The following NUP98 variants were observed in gnomAD, a reference collection of about 807,000 sequenced individuals.
The protein encoded by NUP98 is nuclear pore complex protein Nup98-Nup96.
NUP98 carries 26 observed loss-of-function variants against 191.9 expected under a neutral mutation model. That is an observed-to-expected ratio of 0.14 (90% CI 0.10 to 0.19). NUP98 has a LOEUF of 0.19. Ranked by LOEUF, NUP98 falls within the 10% of genes least tolerant of loss-of-function variation. The pLI is 1.00. For missense variants in NUP98, 1,941 were observed against 2,178.8 expected (o/e 0.89, Z 2.17); for synonymous variants, 808 against 778.4 (o/e 1.04, Z -0.63).
At chr11:3,756,092 C>T (rs2080950191) in intron 10 of NUP98, among the ~76,000 whole-genome samples, 1 of 152,144 alleles carries the variant, frequency 6.6e-6, no homozygotes, top group South Asian at 2.1e-4. Flanking sequence ...TGGGGTGCTG[C>T]CTACTCAAGC....
chr11:3,786,112 G>T (rs955026315), intron 1 of NUP98, among the ~76,000 whole-genome samples: 3 of 152,182 alleles, frequency 2.0e-5, no homozygotes, highest in Non-Finnish European at 2.9e-5. Flanking sequence ...AGAAATTAAG[G>T]CACAAGAATC....
At chr11:3,706,241 C>T (rs867035948) in intron 21 of NUP98, among the ~76,000 whole-genome samples, 3 of 152,114 alleles carry the variant, frequency 2.0e-5, no homozygotes, top group South Asian at 4.1e-4. Context: ...AAACCAGAAA[C>T]CCTATCTACT....
In NUP98 at chr11:3,676,364, C is replaced by A; in HGVS notation, c.5198G>T (p.Arg1733Leu). The A allele has an allele frequency of 6.2e-7, 1 of 1,613,878 alleles. No individual in the cohort carries two copies. Among genetic ancestry groups the A allele is most frequent in the Non-Finnish European group, 8.5e-7 (1 of 1,179,890 alleles). Residue 1733 changes from arginine (R) to leucine (L), a missense_variant, in exon 33 of 33, where the codon CGT becomes CTT. Coordinates refer to ENST00000324932, the MANE Select transcript of NUP98 (RefSeq NM_016320.5). ...CACCACGCGCAGCAGGTTGGCTACACGTTTGGCCATGTCTAGAGAGAAAAA... is the reference window on the plus strand; with the variant it reads ...CACCACGCGCAGCAGGTTGGCTACAAGTTTGGCCATGTCTAGAGAGAAAAA... ...DRLAQSDMAK[R>L]VANLLRVVLS...
chr11:3,702,685 T>A lies in NUP98; in HGVS notation c.3290A>T (p.Gln1097Leu). ...VPLKTVGTRR[Q>L]LGLVPREKSV... ...CTTTTCACGAGGGACTAGGCCTAGT[T>A]GCCTACGTGTACCCACTGTTTTCAA... The change falls in exon 23 of 33, where the codon CAA becomes CTA. Residue 1097 changes from glutamine (Q) to leucine (L), a missense_variant. Physicochemically the swap from Gln to Leu is moderately radical, Grantham distance 113 (BLOSUM62 -2). Around this residue, in one of 6 missense-constraint regions of NUP98, gnomAD observed 1,030 missense variants for 1,115.8 expected, o/e 0.92. Transcript: ENST00000324932. 1 of 1,614,188 alleles carries A rather than the reference T, an allele frequency of 6.2e-7. No individual in the cohort carries two copies. The highest frequency in any genetic ancestry group is 2.2e-5 in the East Asian group (1 of 44,886).
At chr11:3,695,726 T>A in intron 25 of NUP98, 120 bp from the exon 26 acceptor site, 1 of 700,678 alleles carries the variant, frequency 1.4e-6, no homozygotes, top group East Asian at 3.2e-5. Flanking sequence ...CATTGTTAAC[T>A]GCTTTCTGCA....
intron 1 of NUP98, among the ~76,000 whole-genome samples, chr11:3,784,722 C>T (rs1179480957): frequency 6.6e-6 from 1 of 152,122 alleles, no homozygotes; most frequent in Non-Finnish European, 1.5e-5. Flanking sequence ...CCACTGCACT[C>T]CAGCAAGCAA....
intron 14 of NUP98, among the ~76,000 whole-genome samples, chr11:3,727,939 C>T (rs1247872053): frequency 2.0e-5 from 3 of 151,964 alleles, no homozygotes; most frequent in Admixed American, 6.6e-5. Flanking sequence ...AGAATAATCC[C>T]GAGCCCAGGA....
At chr11:3,766,311 C>T (rs1451488658) in intron 8 of NUP98, among the ~76,000 whole-genome samples, 4 of 151,508 alleles carry the variant, frequency 2.6e-5, no homozygotes, top group East Asian at 3.9e-4. Context: ...AGGCGGAGGA[C>T]GCAGTGAACT....
chr11:3,697,921 A>G (rs1280477323), intron 25 of NUP98, among the ~76,000 whole-genome samples: 1 of 151,922 alleles, frequency 6.6e-6, no homozygotes, highest in Non-Finnish European at 1.5e-5. Context: ...AAGTAAATAT[A>G]TGCATATAAA....
chr11:3,767,726 T>C (rs1418227412), intron 8 of NUP98, among the ~76,000 whole-genome samples: 1 of 151,864 alleles, frequency 6.6e-6, no homozygotes, highest in Admixed American at 6.6e-5. Context: ...ATTTCATACT[T>C]CCCTAAAAAA....
At chr11:3,751,077 G>A (rs906902450) in intron 11 of NUP98, among the ~76,000 whole-genome samples, 7 of 152,132 alleles carry the variant, frequency 4.6e-5, no homozygotes, top group African/African-American at 1.4e-4. Context: ...TATAATCCCA[G>A]GCCGGGCACG....
chr11:3,719,524 C>T lies in NUP98; in HGVS notation c.2287G>A (p.Asp763Asn), dbSNP rs367859929. The T allele has an allele frequency of 8.8e-6, 14 of 1,590,378 alleles. No individual in the cohort carries two copies. Among genetic ancestry groups the T allele is most frequent in the Admixed American group, 1.8e-5 (1 of 54,338 alleles). ...KGYGSIYFEG[D>N]VNLTNLNLDD... ...AAATTTAGATTTGTCAAATTCACAT[C>T]TCCTTCAAAATAGATTGAACCATAA... Residue 763 changes from aspartate to asparagine, a missense_variant, in exon 18 of 33, where the codon GAT (aspartate) becomes AAT (asparagine). By Grantham distance (23) the Asp-to-Asn change is conservative. Coordinates refer to ENST00000324932, the MANE Select transcript of NUP98 (RefSeq NM_016320.5).
chr11:3,784,175 T>C (rs1337556493), intron 1 of NUP98, among the ~76,000 whole-genome samples: 1 of 152,198 alleles, frequency 6.6e-6, no homozygotes, highest in Non-Finnish European at 1.5e-5. Flanking sequence ...GAATTAAATA[T>C]TGCATTTTGA....
chr11:3,787,935 T>C (rs1338435784), intron 1 of NUP98, among the ~76,000 whole-genome samples: 1 of 152,124 alleles, frequency 6.6e-6, no homozygotes, highest in Non-Finnish European at 1.5e-5. Flanking sequence ...GAGGTTGCAG[T>C]GAGCCGAGAT....
chr11:3,683,650 T>C (rs898099276), intron 29 of NUP98, among the ~76,000 whole-genome samples: 4 of 152,010 alleles, frequency 2.6e-5, no homozygotes, highest in Non-Finnish European at 5.9e-5. Flanking sequence ...GTGATTCTCC[T>C]GCCTCAGCCT....
chr11:3,765,674 AC>A (rs2081312503), intron 8 of NUP98, among the ~76,000 whole-genome samples: 1 of 151,948 alleles, frequency 6.6e-6, no homozygotes, highest in African/African-American at 2.4e-5. Context: ...GGTGGCGCAC[AC>A]CTGTAATCCC....
intron 28 of NUP98, among the ~76,000 whole-genome samples, chr11:3,688,082 C>T (rs996350172): frequency 6.6e-6 from 1 of 150,794 alleles, no homozygotes; most frequent in East Asian, 2.0e-4. Flanking sequence ...GGACTTAATG[C>T]CACTGAACAG....
At chr11:3,678,693 T>C (rs2077891914) in intron 31 of NUP98, among the ~76,000 whole-genome samples, 1 of 152,078 alleles carries the variant, frequency 6.6e-6, no homozygotes, top group South Asian at 2.1e-4. Flanking sequence ...GAACGTGGAA[T>C]AAGAGTGGTA....
intron 13 of NUP98, among the ~76,000 whole-genome samples, chr11:3,734,340 T>C (rs1013638419): frequency 4.6e-5 from 7 of 152,302 alleles, no homozygotes; most frequent in Admixed American, 2.0e-4. Context: ...GCAGATCCCA[T>C]TTCTTAAAAC....
Sources: allele counts gnomAD v4.1 joint callset (sites outside exome capture counted in the v4.1 genomes callset), GRCh38; gene constraint gnomAD v4.1.1; regional missense constraint gnomAD v4.1.1; transcripts MANE v1.5; gene names NCBI Gene and HGNC (gene_info 2026-07-23, HGNC 2026-07-21).